The following IPO8 variants were observed in gnomAD, a reference collection of about 807,000 sequenced individuals.
The protein encoded by IPO8 is importin 8, also known as importin-8.
In IPO8, 65 loss-of-function variants were observed where a neutral mutation model predicts 141.2. The observed-to-expected ratio is 0.46, with a 90% confidence interval of 0.38 to 0.57. IPO8 has a LOEUF of 0.57. IPO8 is among the 20% of genes least tolerant of loss of function. IPO8 has a pLI of 0.00. For synonymous variants in IPO8, 411 were observed against 420.3 expected (o/e 0.98, Z 0.27); for missense variants, 980 against 1,246.8 (o/e 0.79, Z 3.22).
chr12:30,674,818 G>C (rs1362669351), intron 6 of IPO8, 65 bp from the exon 7 acceptor site: 7 of 1,053,728 alleles, frequency 6.6e-6, no homozygotes, highest in Non-Finnish European at 1.0e-5. Context: ...GAATAACAAA[G>C]GCAAGATAAA....
At chr12:30,633,009 C>G (rs559643106) in intron 23 of IPO8, among the ~76,000 whole-genome samples, 1 of 152,318 alleles carries the variant, frequency 6.6e-6, no homozygotes, top group East Asian at 1.9e-4. Flanking sequence ...GACCTAAAAG[C>G]CTCCTTGGTG....
At chr12:30,678,964 G>A (rs2053156698) in intron 5 of IPO8, among the ~76,000 whole-genome samples, 1 of 152,036 alleles carries the variant, frequency 6.6e-6, no homozygotes, top group Admixed American at 6.6e-5. Context: ...CTCAGCCTCT[G>A]GAATAGCTGG....
chr12:30,668,103 A>G (rs2052994098), intron 10 of IPO8, among the ~76,000 whole-genome samples: 1 of 152,156 alleles, frequency 6.6e-6, no homozygotes, highest in Non-Finnish European at 1.5e-5. Context: ...TAATCACTCA[A>G]AGCAAACTAG....
At chr12:30,690,599 T>C (rs1227745272) in intron 1 of IPO8, 22 bp from the exon 2 acceptor site, 4 of 1,380,924 alleles carry the variant, frequency 2.9e-6, no homozygotes, top group Middle Eastern at 1.8e-4. Context: ...AAGAAATGTT[T>C]TATAAAATAG....
At chr12:30,634,938 A>G (rs570412277) in intron 22 of IPO8, among the ~76,000 whole-genome samples, 1 of 152,294 alleles carries the variant, frequency 6.6e-6, no homozygotes, top group Admixed American at 6.5e-5. Context: ...TCCATCAACA[A>G]CGGATGAATA....
chr12:30,669,304 A>T, intron 9 of IPO8, 22 bp from the exon 10 acceptor site: 1 of 1,203,240 alleles, frequency 8.3e-7, no homozygotes, highest in East Asian at 2.4e-5. Context: ...AAAAAAAAAA[A>T]ACGTAACAAA....
At chr12:30,641,896 TAG>T (rs1190125083) in intron 20 of IPO8, among the ~76,000 whole-genome samples, 2 of 152,100 alleles carry the variant, frequency 1.3e-5, no homozygotes, top group Admixed American at 1.3e-4. Flanking sequence ...GAATCTGAAT[TAG>T]AAATACCTGT....
rs1451194290 is a variant in IPO8, at chr12:30,637,064, G to A, written c.2613C>T (p.Gly871=). ...IVPSILFLFL[G]LKQVCATRQL... Reference sequence around the variant, plus strand: ...GTCTAGTAGCACAGACCTGCTTTAGGCCAAGGAAAAGGAAAAGAATTGAGG... The same window carrying A: ...GTCTAGTAGCACAGACCTGCTTTAGACCAAGGAAAAGGAAAAGAATTGAGG... The change falls in exon 22 of 25, where the codon GGC becomes GGT. Residue 871 remains glycine (G), a synonymous_variant. Transcript: ENST00000256079. 6.2e-7 allele frequency: 1 copy of A among 1,613,892 alleles called. No individual in the cohort carries two copies. The highest frequency in any genetic ancestry group is 2.2e-5 in the East Asian group (1 of 44,858).
intron 17 of IPO8, 131 bp downstream of exon 17, chr12:30,656,553 A>C: frequency 1.9e-6 from 1 of 521,496 alleles, no homozygotes; most frequent in Non-Finnish European, 3.4e-6. Flanking sequence ...GGACATCCAA[A>C]AATTGAAGTG....
intron 20 of IPO8, among the ~76,000 whole-genome samples, chr12:30,642,033 T>C (rs1339119615): frequency 6.6e-6 from 1 of 151,858 alleles, no homozygotes; most frequent in African/African-American, 2.4e-5. Flanking sequence ...CCATCTCTAC[T>C]AAAAATACAA....
intron 2 of IPO8, among the ~76,000 whole-genome samples, chr12:30,690,287 A>G (rs2053279112): frequency 6.6e-6 from 1 of 152,230 alleles, no homozygotes; most frequent in African/African-American, 2.4e-5. Context: ...AGAGGAGGAA[A>G]AAAAAGAGCT....
chr12:30,640,121 T>A (rs3889761), intron 20 of IPO8, among the ~76,000 whole-genome samples: 1,555 of 152,310 alleles, frequency 0.01, 35 homozygotes, highest in East Asian at 0.084. Flanking sequence ...TAAATGGGAC[T>A]GAAAATAATT....
At position 30,630,064 on chromosome 12, in the gene IPO8, A is replaced by G. The variant is rs1349411992; in HGVS notation, c.*796T>C. The G allele has an allele frequency of 2.0e-5, 3 of 152,220 alleles. No individual in the cohort carries two copies. The highest frequency in any genetic ancestry group is 4.4e-5 in the Non-Finnish European group (3 of 68,050). The allele number at this position is 152,220 out of a possible 1,614,324, so 9.4% of individuals were successfully genotyped here. A position where few individuals can be genotyped will look rare whatever the true frequency, so the allele number is the denominator to read the frequency against. On this transcript the variant is annotated 3_prime_UTR_variant, in exon 25 of 25. Coordinates refer to ENST00000256079, the MANE Select transcript of IPO8 (RefSeq NM_006390.4). The stretch of plus-strand genomic sequence containing the variant: ...CTCAGACTTACTGTTAACTCCAGTG[A>G]CTAAAGAGCCCCTGCCACTTGCTGC...
intron 6 of IPO8, 87 bp from the exon 7 acceptor site, chr12:30,674,840 G>GT (rs1489769097): frequency 1.2e-6 from 1 of 861,450 alleles, no homozygotes; most frequent in African/African-American, 1.7e-5. Flanking sequence ...CTTGATATAG[G>GT]TTAAGTCATA....
chr12:30,678,638 GAGA>G (rs1040710145), intron 5 of IPO8, among the ~76,000 whole-genome samples: 3 of 152,140 alleles, frequency 2.0e-5, no homozygotes, highest in Non-Finnish European at 2.9e-5. Context: ...GTAGGAATAA[GAGA>G]AGAAGGTGAG....
intron 16 of IPO8, among the ~76,000 whole-genome samples, chr12:30,657,818 T>C (rs574606346): frequency 1.3e-5 from 2 of 152,276 alleles, no homozygotes; most frequent in East Asian, 3.9e-4. Flanking sequence ...TAGCATGCTA[T>C]CATTTTCGTA....
intron 20 of IPO8, among the ~76,000 whole-genome samples, chr12:30,642,270 C>T (rs949065207): frequency 1.3e-5 from 2 of 151,898 alleles, no homozygotes; most frequent in Non-Finnish European, 1.5e-5. Flanking sequence ...ATAATAGGTA[C>T]GGGGACTCCA....
intron 21 of IPO8, among the ~76,000 whole-genome samples, chr12:30,638,967 G>A (rs928215055): frequency 3.3e-5 from 5 of 152,010 alleles, no homozygotes; most frequent in Non-Finnish European, 5.9e-5. Flanking sequence ...CACCGCGCCC[G>A]GCCTCACTCT....
chr12:30,656,368 A>G (rs1425851728), intron 17 of IPO8, among the ~76,000 whole-genome samples: 1 of 152,194 alleles, frequency 6.6e-6, no homozygotes, highest in East Asian at 1.9e-4. Flanking sequence ...AAAAATGCCT[A>G]TTAAACATTT....
Sources: allele counts gnomAD v4.1 joint callset (sites outside exome capture counted in the v4.1 genomes callset), GRCh38; gene constraint gnomAD v4.1.1; transcripts MANE v1.5; gene names NCBI Gene and HGNC (gene_info 2026-07-23, HGNC 2026-07-21).